The following KRAS variants were observed in gnomAD, a reference collection of about 807,000 sequenced individuals.
The protein encoded by KRAS is KRas proto-oncogene, GTPase, also known as GTPase KRas.
KRAS carries 1 observed loss-of-function variant against 21.0 expected under a neutral mutation model. The observed-to-expected ratio is 0.05, with a 90% CI of 0.02 to 0.23. KRAS has a LOEUF of 0.23. Ranked by LOEUF, KRAS falls within the 10% of genes least tolerant of loss-of-function variation. The pLI is 1.00. For synonymous variants in KRAS, 67 were observed against 72.5 expected, an observed-to-expected ratio of 0.92 and a Z score of 0.39; for missense variants, 107 against 221.8, an observed-to-expected ratio of 0.48 and a Z score of 3.29.
At chr12:25,210,652 T>A (rs1028776656) in intron 4 of KRAS, 4 of 152,172 alleles carry the variant, frequency 2.6e-5, no homozygotes, top group African/African-American at 9.6e-5. Context: ...AGTTTACCAA[T>A]TTGGAGGAGA....
At chr12:25,237,972 A>C (rs1243465781) in intron 2 of KRAS, among the ~76,000 whole-genome samples, 13 of 152,206 alleles carry the variant, frequency 8.5e-5, no homozygotes, top group African/African-American at 3.1e-4. Flanking sequence ...AATCACAGGG[A>C]AGGATAGCTA....
intron 2 of KRAS, among the ~76,000 whole-genome samples, chr12:25,229,263 T>C (rs180782840): frequency 1.3e-5 from 2 of 152,306 alleles, no homozygotes; most frequent in East Asian, 3.9e-4. Context: ...CAAGATGATT[T>C]AAATGACAAG....
chr12:25,225,469 A>G, intron 4 of KRAS, 145 bp downstream of exon 4: 1 of 800,000 alleles, frequency 1.3e-6, no homozygotes, highest in Non-Finnish European at 2.0e-6. Context: ...TTAAGAAGCA[A>G]TGCCCTCTCA....
chr12:25,225,515 C>G, intron 4 of KRAS, 99 bp downstream of exon 4: 1 of 1,188,862 alleles, frequency 8.4e-7, no homozygotes, highest in Non-Finnish European at 1.2e-6. Context: ...TGTTTTATTT[C>G]CTAGTATAGC....
chr12:25,213,581 G>A (rs1455757371), intron 4 of KRAS, among the ~76,000 whole-genome samples: 1 of 152,168 alleles, frequency 6.6e-6, no homozygotes, highest in East Asian at 1.9e-4. Context: ...CTTTGTTTCT[G>A]AGTTTAGTAG....
intron 4 of KRAS, among the ~76,000 whole-genome samples, chr12:25,216,983 ATTCTT>A (rs1374362757): frequency 6.6e-6 from 1 of 152,314 alleles, no homozygotes; most frequent in East Asian, 1.9e-4. Context: ...AGGGAATTCT[ATTCTT>A]TTATCTTAAA....
rs1465456502 is a variant in KRAS, at chr12:25,205,963, G to A, written c.*3832C>T. 4.7e-6 allele frequency: 1 copy of A among 213,760 alleles called. No individual in the cohort carries two copies. The highest frequency in any genetic ancestry group is 9.4e-6 in the Non-Finnish European group (1 of 106,038). The allele number at this position is 213,760 out of a possible 1,614,324, so 13.2% of individuals were successfully genotyped here. On this transcript the variant is annotated 3_prime_UTR_variant, in exon 5 of 5. Transcript: ENST00000311936. Reference sequence around the variant, plus strand: ...TACTAAATATAAATTCAGCTTTAAGGTAACTGCTGGGTTCTAAAAAACATT... The same window carrying A: ...TACTAAATATAAATTCAGCTTTAAGATAACTGCTGGGTTCTAAAAAACATT...
At chr12:25,234,387 C>T (rs1221866658) in intron 2 of KRAS, 3 of 181,202 alleles carry the variant, frequency 1.7e-5, no homozygotes, top group South Asian at 2.0e-4. Flanking sequence ...CTGGTTGGTA[C>T]ACACATGAGG....
intron 4 of KRAS, among the ~76,000 whole-genome samples, chr12:25,216,262 C>A (rs1364364462): frequency 6.6e-6 from 1 of 152,106 alleles, no homozygotes; most frequent in Admixed American, 6.5e-5. Context: ...CATTTTGTAT[C>A]CTTACTACAA....
intron 1 of KRAS, among the ~76,000 whole-genome samples, chr12:25,246,868 G>C (rs1951689750): frequency 6.6e-6 from 1 of 150,466 alleles, no homozygotes; most frequent in African/African-American, 2.5e-5. Context: ...AGTGAGCCGA[G>C]ATCACGCCAC....
At chr12:25,226,423 T>C (rs918634372) in intron 3 of KRAS, among the ~76,000 whole-genome samples, 28 of 152,286 alleles carry the variant, frequency 1.8e-4, no homozygotes, top group African/African-American at 6.7e-4. Context: ...TTGGCTCAAA[T>C]TCCCGGTTCC....
intron 4 of KRAS, among the ~76,000 whole-genome samples, chr12:25,213,611 T>A (rs1296820716): frequency 6.6e-6 from 1 of 152,204 alleles, no homozygotes; most frequent in African/African-American, 2.4e-5. Flanking sequence ...CCACGTAGTA[T>A]CTTTTGGGAT....
intron 1 of KRAS, among the ~76,000 whole-genome samples, chr12:25,247,288 T>C (rs1353080969): frequency 6.6e-6 from 1 of 152,138 alleles, no homozygotes; most frequent in Non-Finnish European, 1.5e-5. Context: ...AGACCCAAAA[T>C]AATAATTTGG....
Position 25,205,350 on chromosome 12 carries a change from C to A in KRAS, c.*4445G>T. ...ACTTCACAGCACATACTCCTATAAA[C>A]ATTTAAAAGTTAATTTCAATTAAAA... On this transcript the variant is annotated 3_prime_UTR_variant, in exon 5 of 5. Transcript: ENST00000311936. 4.7e-6 allele frequency: 1 copy of A among 213,490 alleles called. No homozygotes were observed. The highest frequency in any genetic ancestry group is 7.1e-5 in the East Asian group (1 of 14,130). 13.2% of individuals were successfully genotyped at this position (213,490 alleles called of 1,614,324 possible).
chr12:25,209,778 A>T lies in KRAS; in HGVS notation c.*17T>A. The T allele has an allele frequency of 1.2e-6, 2 of 1,605,822 alleles. No homozygotes were observed. Among genetic ancestry groups the T allele is most frequent in the Non-Finnish European group, 1.7e-6 (2 of 1,174,210 alleles). ...CACTTGTACTAGTATGCCTTAAGAA[A>T]AAAGTACAAATTGTATTTACATAAT... On this transcript the variant is annotated 3_prime_UTR_variant, in exon 5 of 5. Transcript: ENST00000311936.
intron 2 of KRAS, among the ~76,000 whole-genome samples, chr12:25,228,264 C>T (rs1001193575): frequency 7.2e-6 from 1 of 138,406 alleles, no homozygotes; most frequent in Non-Finnish European, 1.5e-5. Flanking sequence ...GATCCTCCTG[C>T]CTTGGCCACC....
intron 1 of KRAS, among the ~76,000 whole-genome samples, chr12:25,245,602 C>G (rs1050165181): frequency 2.6e-5 from 4 of 152,180 alleles, no homozygotes; most frequent in Admixed American, 6.5e-5. Context: ...TTTACAAACT[C>G]CTCCATCGAC....
chr12:25,247,532 T>A (rs1301941751), intron 1 of KRAS, among the ~76,000 whole-genome samples: 1 of 152,190 alleles, frequency 6.6e-6, no homozygotes, highest in Non-Finnish European at 1.5e-5. Context: ...TAGGAATAGA[T>A]GAGGAGAATT....
intron 2 of KRAS, chr12:25,234,663 G>A (rs1159402951): frequency 2.7e-5 from 5 of 187,666 alleles, no homozygotes; most frequent in African/African-American, 1.2e-4. Flanking sequence ...GTGTTTCCTG[G>A]TTTATTAAAT....
Sources: allele counts gnomAD v4.1 joint callset (sites outside exome capture counted in the v4.1 genomes callset), GRCh38; gene constraint gnomAD v4.1.1; transcripts MANE v1.5; gene names NCBI Gene and HGNC (gene_info 2026-07-23, HGNC 2026-07-21).